The following PARD3 variants were observed in gnomAD, a reference collection of about 807,000 sequenced individuals.
The protein encoded by PARD3 is par-3 family cell polarity regulator.
PARD3 carries 75 observed loss-of-function variants against 155.4 expected under a neutral mutation model. That is an observed-to-expected ratio of 0.48 (90% CI 0.40 to 0.58). The LOEUF (loss-of-function observed/expected upper bound fraction) is 0.58. Ranked by LOEUF, PARD3 falls within the 20% of genes least tolerant of loss-of-function variation. PARD3 has a pLI of 0.00. For missense variants in PARD3, 1,642 were observed against 1,721.7 expected, an observed-to-expected ratio of 0.95 and a Z score of 0.82; for synonymous variants, 576 against 610.5, an observed-to-expected ratio of 0.94 and a Z score of 0.83.
chr10:34,648,183 C>A (rs2092902770), intron 2 of PARD3, among the ~76,000 whole-genome samples: 1 of 152,192 alleles, frequency 6.6e-6, no homozygotes. Context: ...ACCCCAGATG[C>A]AAACCTATAA....
chr10:34,660,425 C>T lies in PARD3; in HGVS notation c.222+35893G>A, dbSNP rs979915661. Among the ~76,000 whole-genome samples the T allele has an allele frequency of 1.3e-5, 2 of 152,036 alleles. 1 individual carries two copies. On this transcript the variant is annotated intron_variant, in intron 2 of 24. Transcript: ENST00000374788. ...TAAAAGTTAGAATAAAATTTTAGTA[C>T]ATAAAGAACATCTTTAACACAGGGG...
At chr10:34,114,164 A>G (rs1946543123) in intron 24 of PARD3, among the ~76,000 whole-genome samples, 1 of 151,966 alleles carries the variant, frequency 6.6e-6, no homozygotes, top group African/African-American at 2.4e-5. Flanking sequence ...TGGGTGGCTG[A>G]GGTGGGAGAA....
chr10:34,214,719 C>T (rs896234891), intron 22 of PARD3, among the ~76,000 whole-genome samples: 4 of 152,050 alleles, frequency 2.6e-5, no homozygotes, highest in South Asian at 2.1e-4. Context: ...CATTGTATAA[C>T]GGATATCTGA....
At chr10:34,237,932 A>G (rs1014661969) in intron 22 of PARD3, among the ~76,000 whole-genome samples, 1 of 152,152 alleles carries the variant, frequency 6.6e-6, no homozygotes, top group Non-Finnish European at 1.5e-5. Context: ...ATACTGACAT[A>G]TTTCAACCCA....
At chr10:34,654,428 C>G (rs866224610) in intron 2 of PARD3, among the ~76,000 whole-genome samples, 2 of 152,216 alleles carry the variant, frequency 1.3e-5, no homozygotes, top group Non-Finnish European at 2.9e-5. Flanking sequence ...GAACTTCGAA[C>G]TCAAGCCAAC....
At chr10:34,292,743 G>T (rs1956735326) in intron 20 of PARD3, among the ~76,000 whole-genome samples, 1 of 151,078 alleles carries the variant, frequency 6.6e-6, no homozygotes, top group African/African-American at 2.4e-5. Context: ...TAAAGAAAAA[G>T]CACCTTCTAC....
chr10:34,197,590 G>A (rs938976746), intron 22 of PARD3, among the ~76,000 whole-genome samples: 3 of 152,200 alleles, frequency 2.0e-5, no homozygotes, highest in Non-Finnish European at 2.9e-5. Context: ...ACTTAGACTA[G>A]GTGTATGCTG....
rs369295819 is a variant in PARD3, at chr10:34,382,807, A to G, written c.1132T>C (p.Tyr378His). The change falls in exon 9 of 25, where the codon TAT becomes CAT. Residue 378 changes from tyrosine to histidine, a missense_variant. By Grantham distance (83) the Tyr-to-His change is moderately conservative. Coordinates refer to ENST00000374788, the MANE Select transcript of PARD3 (RefSeq NM_001184785.2). ...QLSQSEKNNY[Y>H]SSRFSPDSQY... ...CTGTCAGGGCTAAAACGGCTTGAATAGTAATTGTTCTTCTCACTTTGGGAT... is the reference window on the plus strand; with the variant it reads ...CTGTCAGGGCTAAAACGGCTTGAATGGTAATTGTTCTTCTCACTTTGGGAT... 6.2e-7 allele frequency: 1 copy of G among 1,614,200 alleles called. No individual in the cohort carries two copies. Among genetic ancestry groups the G allele is most frequent in the Admixed American group, 1.7e-5 (1 of 60,016 alleles).
chr10:34,258,020 T>C (rs781131879), intron 22 of PARD3, among the ~76,000 whole-genome samples: 1 of 152,240 alleles, frequency 6.6e-6, no homozygotes, highest in Non-Finnish European at 1.5e-5. Context: ...TTCACCCATG[T>C]ATTAGATGCA....
At chr10:34,344,246 T>C (rs992694402) in intron 15 of PARD3, 9 of 984,986 alleles carry the variant, frequency 9.1e-6, no homozygotes, top group Middle Eastern at 1.0e-3. Flanking sequence ...TGACTATCCC[T>C]GTTGCTGGTT....
intron 2 of PARD3, among the ~76,000 whole-genome samples, chr10:34,555,127 G>A (rs190947339): frequency 2.1e-4 from 32 of 152,294 alleles, no homozygotes; most frequent in Non-Finnish European, 3.7e-4. Flanking sequence ...GGGTGATGAT[G>A]ATGTGTCCAT....
intron 2 of PARD3, among the ~76,000 whole-genome samples, chr10:34,559,849 C>T (rs982223472): frequency 1.4e-4 from 21 of 152,248 alleles, no homozygotes; most frequent in Admixed American, 1.1e-3. Flanking sequence ...GCTGTTACCA[C>T]TCATCAAAAT....
At position 34,160,919 on chromosome 10, in the gene PARD3, A is replaced by C. The variant is rs371769959; in HGVS notation, c.3420-29336T>G. Among the ~76,000 whole-genome samples, 6 of 152,290 alleles carry C rather than the reference A, an allele frequency of 3.9e-5. No individual in the cohort carries two copies. The South Asian group carries it at 1.0e-3, about 26-fold the overall frequency. ...GATTTAATTATCCCATATGAGGTTA[A>C]GTTTTAGGCCAGTGCCAACTAGGAA... On this transcript the variant is annotated intron_variant, in intron 22 of 24. Transcript: ENST00000374788.
intron 2 of PARD3, among the ~76,000 whole-genome samples, chr10:34,689,846 A>T (rs1177265921): frequency 6.6e-6 from 1 of 152,216 alleles, no homozygotes; most frequent in Non-Finnish European, 1.5e-5. Flanking sequence ...TCAAAACAAG[A>T]GTGCATGACT....
intron 1 of PARD3, among the ~76,000 whole-genome samples, chr10:34,730,334 C>A (rs979915682): frequency 1.3e-5 from 2 of 152,038 alleles, no homozygotes; most frequent in Non-Finnish European, 2.9e-5. Context: ...TTAACCAGAC[C>A]TGGAAATTAA....
chr10:34,741,193 TTG>T (rs1554823636), intron 1 of PARD3, among the ~76,000 whole-genome samples: 44 of 144,802 alleles, frequency 3.0e-4, no homozygotes, highest in Non-Finnish European at 3.1e-4. Context: ...TTTTTTTTTT[TTG>T]TTTGAGAGAG....
At chr10:34,560,039 G>A (rs886615367) in intron 2 of PARD3, among the ~76,000 whole-genome samples, 6 of 152,070 alleles carry the variant, frequency 3.9e-5, no homozygotes, top group African/African-American at 1.4e-4. Flanking sequence ...TTATTTATCT[G>A]CATCATAAAA....
intron 2 of PARD3, among the ~76,000 whole-genome samples, chr10:34,695,955 G>C (rs1005015492): frequency 2.6e-5 from 4 of 152,182 alleles, no homozygotes; most frequent in Non-Finnish European, 2.9e-5. Flanking sequence ...CAGAATGGCT[G>C]CATGTTGTAT....
rs1446021049 is a variant in PARD3, at chr10:34,600,990, T to C, written c.223-83831A>G. ...TTTTTTTTTTTTTTTTTTTTTTTTT[T>C]GTAGAAATGGGGTCTCACTATTGTT... On this transcript the variant is annotated intron_variant, in intron 2 of 24. Transcript: ENST00000374788. Among the ~76,000 whole-genome samples, 7 of 120,440 alleles carry C rather than the reference T, an allele frequency of 5.8e-5. No homozygotes were observed. In the Admixed American group the frequency reaches 6.0e-4, roughly 10 times the overall value. 79.0% of individuals were successfully genotyped at this position (120,440 alleles called of 152,430 possible).
Sources: allele counts gnomAD v4.1 joint callset (sites outside exome capture counted in the v4.1 genomes callset), GRCh38; gene constraint gnomAD v4.1.1; transcripts MANE v1.5; gene names NCBI Gene and HGNC (gene_info 2026-07-23, HGNC 2026-07-21).